Variants in WDR20 observed in about 807,000 individuals in gnomAD.
The protein encoded by WDR20 is WD repeat domain 20, also known as WD repeat-containing protein 20.
WDR20 carries 3 observed loss-of-function variants against 38.7 expected under a neutral mutation model. The ratio of observed to expected loss-of-function variants is 0.08; its 90% confidence interval spans 0.04 to 0.20. The LOEUF is 0.20. Ranked by LOEUF, WDR20 falls within the 10% of genes least tolerant of loss-of-function variation. The probability of loss-of-function intolerance (pLI) is 1.00; values close to 1 mark genes in which losing one functional copy is unlikely to be tolerated. For synonymous variants in WDR20, 298 were observed against 285.6 expected (o/e 1.04, Z -0.44); for missense variants, 559 against 727.7 (o/e 0.77, Z 2.67).
chr14:102,187,833 A>G (rs1372789100), intron 1 of WDR20, among the ~76,000 whole-genome samples: 1 of 152,198 alleles, frequency 6.6e-6, no homozygotes, highest in Non-Finnish European at 1.5e-5. Context: ...CAGAGCGCCA[A>G]GTATAAAGCT....
At chr14:102,142,259 T>G (rs2051529853) in intron 1 of WDR20, among the ~76,000 whole-genome samples, 1 of 152,250 alleles carries the variant, frequency 6.6e-6, no homozygotes. Flanking sequence ...TACTCTCTTT[T>G]AATTGTAACT....
intron 1 of WDR20, among the ~76,000 whole-genome samples, chr14:102,142,904 A>C (rs1392061696): frequency 6.6e-6 from 1 of 151,848 alleles, no homozygotes; most frequent in African/African-American, 2.4e-5. Context: ...TGAGTAGAAA[A>C]TAGGTCTTTT....
intron 1 of WDR20, among the ~76,000 whole-genome samples, chr14:102,151,671 G>A (rs1211834005): frequency 6.6e-6 from 1 of 151,888 alleles, no homozygotes; most frequent in African/African-American, 2.4e-5. Context: ...TTATAGGCAT[G>A]AACCACCATG....
At chr14:102,180,110 ACTC>A (rs1348647639) in intron 1 of WDR20, among the ~76,000 whole-genome samples, 5 of 152,156 alleles carry the variant, frequency 3.3e-5, no homozygotes, top group African/African-American at 1.2e-4. Flanking sequence ...CTGAGACTGC[ACTC>A]CAGCCTGGGC....
chr14:102,174,043 C>CAA (rs776153847), intron 1 of WDR20, among the ~76,000 whole-genome samples: 8 of 87,786 alleles, frequency 9.1e-5, no homozygotes, highest in Non-Finnish European at 1.4e-4. Context: ...GACTCCATCT[C>CAA]AAAAAAAAAA....
In WDR20 at chr14:102,149,126, C is replaced by A. The variant is rs558336861; in HGVS notation, c.249+8954C>A. On this transcript the variant is annotated intron_variant, in intron 1 of 2. Transcript: ENST00000342702. ...GCAGTGAGCTGAGATCGTGCCACTG[C>A]ACTCCAGCCTGGGCGACAGAGTGAG... 1.2e-4 allele frequency among the ~76,000 whole-genome samples: 18 copies of A among 152,208 alleles called. No homozygotes were observed. The South Asian group carries it at 2.7e-3, about 23-fold the overall frequency.
At position 102,161,142 on chromosome 14, in the gene WDR20, A is replaced by ATATATATATATAT. The variant is rs1342924049; in HGVS notation, c.249+20971_249+20972insATATATATATATT. Among the ~76,000 whole-genome samples the ATATATATATATAT allele has an allele frequency of 2.5e-4, 4 of 16,050 alleles. 1 individual carries two copies. Among genetic ancestry groups the ATATATATATATAT allele is most frequent in the African/African-American group, 1.3e-3 (4 of 3,130 alleles). 10.5% of individuals were successfully genotyped at this position (16,050 alleles called of 152,430 possible). ...ACTGCATATATATATATATATATAT[A>ATATATATATATAT]TTTTTTTTTTTTTTTTTTTTTTTTT... On this transcript the variant is annotated intron_variant, in intron 1 of 2. Coordinates refer to ENST00000342702, the MANE Select transcript of WDR20 (RefSeq NM_144574.4).
intron 1 of WDR20, among the ~76,000 whole-genome samples, chr14:102,184,641 A>G (rs991992200): frequency 6.6e-6 from 1 of 152,142 alleles, no homozygotes; most frequent in African/African-American, 2.4e-5. Flanking sequence ...GCAGCAAGCA[A>G]TTCCAGAGAT....
At chr14:102,163,086 A>C (rs577574023) in intron 1 of WDR20, among the ~76,000 whole-genome samples, 10 of 152,176 alleles carry the variant, frequency 6.6e-5, no homozygotes, top group Non-Finnish European at 1.3e-4. Flanking sequence ...TTTAATTGAC[A>C]TGGGGCCTTT....
At chr14:102,193,941 G>A (rs1179350403) in intron 1 of WDR20, among the ~76,000 whole-genome samples, 1 of 152,204 alleles carries the variant, frequency 6.6e-6, no homozygotes, top group African/African-American at 2.4e-5. Context: ...ATATTGGGAT[G>A]CCACAGGACA....
rs147671585 is a variant in WDR20, at chr14:102,144,248, C to T, written c.249+4076C>T. On this transcript the variant is annotated intron_variant, in intron 1 of 2. Coordinates refer to ENST00000342702, the MANE Select transcript of WDR20 (RefSeq NM_144574.4). ...CTGTAATCTCAGCGCTTTGGGAGGC[C>T]GAGGCAGGTAGATGACCTGAGGTCA... is the stretch of plus-strand genomic sequence containing the variant. Among the ~76,000 whole-genome samples the T allele has an allele frequency of 1.6e-4, 24 of 151,904 alleles. No individual in the cohort carries two copies. The East Asian group carries it at 3.9e-3, about 25-fold the overall frequency.
At chr14:102,147,550 G>C (rs899867495) in intron 1 of WDR20, among the ~76,000 whole-genome samples, 3 of 152,188 alleles carry the variant, frequency 2.0e-5, no homozygotes, top group African/African-American at 4.8e-5. Context: ...TGTAGTCAGA[G>C]TCTCTGCCCT....
At chr14:102,192,999 A>T (rs12147471) in intron 1 of WDR20, among the ~76,000 whole-genome samples, 6,757 of 118,348 alleles carry the variant, frequency 0.057, 170 homozygotes, top group Middle Eastern at 0.079. Flanking sequence ...TAAGCAAACT[A>T]AAAAAAAAAA....
chr14:102,141,747 A>G (rs2051282812), intron 1 of WDR20, among the ~76,000 whole-genome samples: 2 of 152,188 alleles, frequency 1.3e-5, no homozygotes, highest in African/African-American at 4.8e-5. Flanking sequence ...CTGTCAAATA[A>G]GAAGCTGCTG....
chr14:102,209,980 A>AT lies in WDR20; in HGVS notation c.*101dup, dbSNP rs1188035222. On this transcript the variant is annotated 3_prime_UTR_variant, in exon 3 of 3. Coordinates refer to ENST00000342702, the MANE Select transcript of WDR20 (RefSeq NM_144574.4). The surrounding 1 kb of genome is among the most constrained non-coding windows in gnomAD (Gnocchi z 6.0). ...ATGTGAATGACACTTCTTATTCTTA[A>AT]TGTAAATCTCAATGCATCAGAGCCA... The AT allele has an allele frequency of 3.4e-6, 5 of 1,485,300 alleles. No individual in the cohort carries two copies. The highest frequency in any genetic ancestry group is 3.6e-4 in the Middle Eastern group (2 of 5,520). 92.0% of individuals were successfully genotyped at this position (1,485,300 alleles called of 1,614,324 possible).
intron 1 of WDR20, chr14:102,171,307 A>G (rs2060782768): frequency 7.4e-6 from 1 of 135,730 alleles, no homozygotes; most frequent in African/African-American, 2.7e-5. Context: ...TCTGTTACCC[A>G]AGCTGGAGTA....
rs201506036 is a variant in WDR20, at chr14:102,209,302, C to G, written c.1132C>G (p.Leu378Val). Residue 378 changes from leucine (L) to valine (V), a missense_variant, in exon 3 of 3, where the codon CTC (leucine) becomes GTC (valine). Coordinates refer to ENST00000342702, the MANE Select transcript of WDR20 (RefSeq NM_144574.4). This position sits in a 1 kb window ranked among gnomAD's most constrained non-coding sequence, Gnocchi z 6.0. Reference sequence around the variant, plus strand: ...TGGTTCCGTGGGCCAGGACACACAGCTCTGTTTATGGGACCTTACAGAAGA... The same window carrying G: ...TGGTTCCGTGGGCCAGGACACACAGGTCTGTTTATGGGACCTTACAGAAGA... Reference protein sequence around the residue: ...RFGSVGQDTQLCLWDLTEDIL... With the variant: ...RFGSVGQDTQVCLWDLTEDIL... The G allele has an allele frequency of 1.6e-4, 255 of 1,614,094 alleles. No homozygotes were observed. The highest frequency in any genetic ancestry group is 4.9e-4 in the South Asian group (45 of 91,090).
chr14:102,202,795 G>A (rs1250928701), intron 2 of WDR20, among the ~76,000 whole-genome samples: 2 of 152,282 alleles, frequency 1.3e-5, no homozygotes, highest in East Asian at 3.9e-4. Context: ...CCAGGCTGGA[G>A]TACAGTGGTG....
chr14:102,160,947 CAAAAA>C (rs57488628), intron 1 of WDR20, among the ~76,000 whole-genome samples: 3 of 54,650 alleles, frequency 5.5e-5, no homozygotes, highest in African/African-American at 2.1e-4. Flanking sequence ...GACTCTGTCT[CAAAAA>C]AAAAAAAAAA....
Sources: gnomAD v4.1 joint callset for allele counts (sites outside exome capture counted in the v4.1 genomes callset) on GRCh38, gnomAD v4.1.1 for gene constraint, Gnocchi (gnomAD v3.1) non-coding constraint, MANE v1.5 for transcripts, NCBI Gene and HGNC (gene_info 2026-07-23, HGNC 2026-07-21) for gene names.